The following BTBD1 variants were observed in gnomAD, a reference collection of about 807,000 sequenced individuals.
The protein encoded by BTBD1 is BTB/POZ domain-containing protein 1.
A neutral mutation model predicts 48.0 loss-of-function variants in BTBD1; 34 were observed. The ratio of observed to expected loss-of-function variants is 0.71; its 90% CI spans 0.54 to 0.94. The LOEUF (loss-of-function observed/expected upper bound fraction) is 0.94. BTBD1 is among the 40% of genes least tolerant of loss of function. The pLI is 0.00. For missense variants in BTBD1, 543 were observed against 625.6 expected (o/e 0.87, Z 1.41); for synonymous variants, 261 against 242.1 (o/e 1.08, Z -0.72).
At chr15:83,024,610 C>T (rs950927757) in intron 5 of BTBD1, among the ~76,000 whole-genome samples, 2 of 152,002 alleles carry the variant, frequency 1.3e-5, no homozygotes, top group South Asian at 4.2e-4. Context: ...CTTAATTTTC[C>T]CAGTGGTTAA....
chr15:83,064,178 A>C (rs750267528), intron 1 of BTBD1, among the ~76,000 whole-genome samples: 8 of 152,236 alleles, frequency 5.3e-5, no homozygotes, highest in Non-Finnish European at 7.3e-5. Flanking sequence ...TGCCCAAACT[A>C]ACCTGCTCTT....
chr15:83,032,977 A>AAAAAAAAAAAAAC (rs752456266), intron 4 of BTBD1, among the ~76,000 whole-genome samples: 2,004 of 149,406 alleles, frequency 0.013, 20 homozygotes, highest in Non-Finnish European at 0.022. Flanking sequence ...CTCAAAAAAA[A>AAAAAAAAAAAAAC]AAAAAAAAAA....
chr15:83,046,525 C>T (rs931794689), intron 3 of BTBD1, among the ~76,000 whole-genome samples: 3 of 152,176 alleles, frequency 2.0e-5, no homozygotes, highest in Non-Finnish European at 2.9e-5. Context: ...GTACAAGGCA[C>T]ATACTTCAAG....
chr15:83,063,235 A>C (rs2033203941), intron 1 of BTBD1, among the ~76,000 whole-genome samples: 1 of 152,022 alleles, frequency 6.6e-6, no homozygotes, highest in Non-Finnish European at 1.5e-5. Context: ...TCATCCTTGT[A>C]CCTCTCTTCA....
chr15:83,037,289 AGAGGTGAAG>A (rs2032648935), intron 4 of BTBD1, among the ~76,000 whole-genome samples: 2 of 152,224 alleles, frequency 1.3e-5, no homozygotes, highest in Non-Finnish European at 2.9e-5. Flanking sequence ...ACACTGGCTA[AGAGGTGAAG>A]GTGGAAGAAT....
At chr15:83,032,990 A>G (rs1309662551) in intron 4 of BTBD1, among the ~76,000 whole-genome samples, 1 of 147,120 alleles carries the variant, frequency 6.8e-6, no homozygotes, top group Non-Finnish European at 1.5e-5. Context: ...AAAAAAAAAC[A>G]GAATAGAATT....
At chr15:83,039,610 C>CA (rs1001552897) in intron 4 of BTBD1, among the ~76,000 whole-genome samples, 13 of 151,666 alleles carry the variant, frequency 8.6e-5, no homozygotes, top group African/African-American at 2.9e-4. Context: ...CCATCTCTAC[C>CA]AAAAAATACA....
At chr15:83,027,746 AT>A (rs2032437029) in intron 5 of BTBD1, among the ~76,000 whole-genome samples, 1 of 152,250 alleles carries the variant, frequency 6.6e-6, no homozygotes. Flanking sequence ...AGGACCAACT[AT>A]ATATACTCTT....
chr15:83,032,977 A>AAACAAAAAAAAAC (rs1567105365), intron 4 of BTBD1, among the ~76,000 whole-genome samples: 1 of 149,426 alleles, frequency 6.7e-6, no homozygotes, highest in Non-Finnish European at 1.5e-5. Flanking sequence ...CTCAAAAAAA[A>AAACAAAAAAAAAC]AAAAAAAAAA....
At position 83,058,623 on chromosome 15, in the gene BTBD1, A is replaced by T. The variant is rs186241243; in HGVS notation, c.402-2078T>A. On this transcript the variant is annotated intron_variant, in intron 1 of 7. Transcript: ENST00000261721. ...GACTTAAAAAAATTTTTTTTTAATTAAAAAAAAAAAGAAATTTTTGTTTGA... is the reference window on the plus strand; with the variant it reads ...GACTTAAAAAAATTTTTTTTTAATTTAAAAAAAAAAGAAATTTTTGTTTGA... Among the ~76,000 whole-genome samples, 197 of 146,450 alleles carry T rather than the reference A, an allele frequency of 1.3e-3. 1 individual carries two copies. The highest frequency in any genetic ancestry group is 5.5e-3 in the East Asian group (28 of 5,070).
chr15:83,030,268 G>A lies in BTBD1; in HGVS notation c.923C>T (p.Thr308Ile), dbSNP rs2032490484. ...TTCAACTCGGGGTTTAGGGTTGACA[G>A]TAAAATGAAGAAAGAGGTTTACCAC... ...REVVNLFLHF[T>I]VNPKPRVEYI... The change falls in exon 5 of 8, where the codon ACT becomes ATT. Residue 308 changes from threonine to isoleucine, a missense_variant. Thr to Ile is a moderately conservative substitution (Grantham distance 89). Around this residue, in one of 3 missense-constraint regions of BTBD1, gnomAD observed 300 missense variants for 350.0 expected, o/e 0.86. Transcript: ENST00000261721. The A allele has an allele frequency of 1.9e-6, 3 of 1,613,904 alleles. No homozygotes were observed. Among genetic ancestry groups the A allele is most frequent in the Admixed American group, 1.7e-5 (1 of 59,980 alleles).
chr15:83,021,581 C>T (rs2032295628), intron 5 of BTBD1, among the ~76,000 whole-genome samples: 1 of 151,938 alleles, frequency 6.6e-6, no homozygotes, highest in African/African-American at 2.4e-5. Context: ...TGGCAAATCC[C>T]TGTCTTTACT....
chr15:83,036,029 A>G (rs917944033), intron 4 of BTBD1, among the ~76,000 whole-genome samples: 6 of 151,526 alleles, frequency 4.0e-5, no homozygotes, highest in African/African-American at 1.5e-4. Context: ...GGAATCCAAA[A>G]TAGGTTTAAA....
At chr15:83,026,769 G>A (rs531629038) in intron 5 of BTBD1, among the ~76,000 whole-genome samples, 9 of 152,148 alleles carry the variant, frequency 5.9e-5, no homozygotes, top group Admixed American at 2.6e-4. Flanking sequence ...TGATCCGCCC[G>A]CCTCGGCCTC....
At chr15:83,060,246 T>C (rs1419322565) in intron 1 of BTBD1, among the ~76,000 whole-genome samples, 1 of 151,976 alleles carries the variant, frequency 6.6e-6, no homozygotes, top group Non-Finnish European at 1.5e-5. Flanking sequence ...ACATTTCCTT[T>C]ACATTCTATT....
rs1320501651 is a variant in BTBD1, at chr15:83,017,330, C to G, written c.*737G>C. ...CAGCAGTGTCCCCCACACAGAGAGA[C>G]AGGTATAGTGGTGCAGTTTAGTGAC... On this transcript the variant is annotated 3_prime_UTR_variant, in exon 8 of 8. Transcript: ENST00000261721. 1.3e-5 allele frequency: 2 copies of G among 152,646 alleles called. No homozygotes were observed. Among genetic ancestry groups the G allele is most frequent in the Non-Finnish European group, 2.9e-5 (2 of 68,038 alleles). The allele number at this position is 152,646 out of a possible 1,614,324, so 9.5% of individuals were successfully genotyped here. A position where few individuals can be genotyped will look rare whatever the true frequency, so the allele number is the denominator to read the frequency against.
chr15:83,047,164 T>C (rs1195211795), intron 3 of BTBD1, among the ~76,000 whole-genome samples: 5 of 152,142 alleles, frequency 3.3e-5, no homozygotes, highest in African/African-American at 4.8e-5. Flanking sequence ...AATCAACATA[T>C]ATATACAGAG....
chr15:83,035,834 A>G (rs949660036), intron 4 of BTBD1, among the ~76,000 whole-genome samples: 1 of 152,004 alleles, frequency 6.6e-6, no homozygotes, highest in African/African-American at 2.4e-5. Flanking sequence ...CACTGGGGGA[A>G]AAAAAGGAAA....
chr15:83,066,307 GC>G (rs1322048550), intron 1 of BTBD1, among the ~76,000 whole-genome samples: 4 of 151,696 alleles, frequency 2.6e-5, no homozygotes, highest in Non-Finnish European at 4.4e-5. Flanking sequence ...CTCAAAAAAA[GC>G]GGGGGGAAGG....
Sources: gnomAD v4.1 joint callset for allele counts (sites outside exome capture counted in the v4.1 genomes callset) on GRCh38, gnomAD v4.1.1 for gene constraint, gnomAD v4.1.1 regional missense constraint, MANE v1.5 for transcripts, NCBI Gene and HGNC (gene_info 2026-07-23, HGNC 2026-07-21) for gene names.